RAB30: variants seen among roughly 807,000 people sequenced by gnomAD.
RAB30 encodes ras-related protein Rab-30.
A neutral mutation model predicts 25.1 loss-of-function variants in RAB30; 9 were observed. The ratio of observed to expected loss-of-function variants is 0.36; its 90% CI spans 0.22 to 0.63. The LOEUF is 0.63. RAB30 is among the 20% of genes least tolerant of loss of function. The probability of loss-of-function intolerance (pLI) is 0.69; values close to 1 mark genes in which losing one functional copy is unlikely to be tolerated. For missense variants in RAB30, 140 were observed against 243.5 expected, an observed-to-expected ratio of 0.58 and a Z score of 2.83; for synonymous variants, 77 against 86.4, an observed-to-expected ratio of 0.89 and a Z score of 0.60.
chr11:83,063,742 G>A (rs1858633878), intron 1 of RAB30, among the ~76,000 whole-genome samples: 1 of 152,160 alleles, frequency 6.6e-6, no homozygotes, highest in Admixed American at 6.5e-5. Context: ...ATTTAAATCA[G>A]GGGGCAATGC....
chr11:83,032,588 C>G (rs1484638734), intron 1 of RAB30, among the ~76,000 whole-genome samples: 1 of 152,202 alleles, frequency 6.6e-6, no homozygotes, highest in Non-Finnish European at 1.5e-5. Flanking sequence ...CCTCAGCCAC[C>G]TGAGTAGCTG....
At chr11:83,053,500 C>A (rs1029217653) in intron 1 of RAB30, among the ~76,000 whole-genome samples, 1 of 152,094 alleles carries the variant, frequency 6.6e-6, no homozygotes, top group Non-Finnish European at 1.5e-5. Flanking sequence ...TACCCAGTGT[C>A]TTGGCAATTT....
intron 1 of RAB30, among the ~76,000 whole-genome samples, chr11:83,047,959 G>C (rs1388453419): frequency 6.6e-6 from 1 of 152,140 alleles, no homozygotes; most frequent in Non-Finnish European, 1.5e-5. Flanking sequence ...CTCTAAAGAA[G>C]CAACTTGGGG....
intron 1 of RAB30, among the ~76,000 whole-genome samples, chr11:83,065,830 A>G (rs918480802): frequency 1.3e-5 from 2 of 152,208 alleles, no homozygotes; most frequent in African/African-American, 4.8e-5. Flanking sequence ...CAACAACCTT[A>G]CAAAGAAACA....
chr11:83,045,430 T>C (rs1205341194), intron 1 of RAB30, among the ~76,000 whole-genome samples: 1 of 152,106 alleles, frequency 6.6e-6, no homozygotes. Flanking sequence ...CACACCCAGC[T>C]CTGTAAACAT....
At chr11:83,060,586 A>G (rs1266792239) in intron 1 of RAB30, among the ~76,000 whole-genome samples, 1 of 152,238 alleles carries the variant, frequency 6.6e-6, no homozygotes, top group African/African-American at 2.4e-5. Flanking sequence ...TCTCACCACA[A>G]GTGTTTAACT....
chr11:83,007,974 AACAAT>A (rs1223008854), intron 1 of RAB30, among the ~76,000 whole-genome samples: 1 of 152,202 alleles, frequency 6.6e-6, no homozygotes, highest in Non-Finnish European at 1.5e-5. Context: ...TCCAACAATA[AACAAT>A]ACCACTGCAA....
At chr11:83,029,233 G>A (rs1455338199) in intron 1 of RAB30, among the ~76,000 whole-genome samples, 1 of 151,998 alleles carries the variant, frequency 6.6e-6, no homozygotes, top group Non-Finnish European at 1.5e-5. Flanking sequence ...ACCCTCTTTT[G>A]TGTTGTGTTC....
chr11:83,000,522 G>C (rs1420985819), intron 1 of RAB30, among the ~76,000 whole-genome samples: 1 of 152,290 alleles, frequency 6.6e-6, no homozygotes, highest in African/African-American at 2.4e-5. Flanking sequence ...AGGCTCTGTG[G>C]ACCACAACTC....
intron 4 of RAB30, among the ~76,000 whole-genome samples, chr11:82,985,607 A>C (rs1256561412): frequency 2.0e-5 from 3 of 152,180 alleles, no homozygotes; most frequent in African/African-American, 4.8e-5. Context: ...AGGTCAAACA[A>C]ATGCATTAGC....
At chr11:83,071,415 C>T (rs532859583) in intron 1 of RAB30, 4 of 152,384 alleles carry the variant, frequency 2.6e-5, no homozygotes, top group East Asian at 1.9e-4. Flanking sequence ...CCCCAACATC[C>T]TTCCCAGCCC....
chr11:82,976,717 TAAAAA>T lies in RAB30; in HGVS notation c.*5443_*5447del, dbSNP rs894069006. The T allele has an allele frequency of 2.0e-5, 3 of 151,864 alleles. No individual in the cohort carries two copies. Among genetic ancestry groups the T allele is most frequent in the Admixed American group, 6.6e-5 (1 of 15,232 alleles). 9.4% of individuals were successfully genotyped at this position (151,864 alleles called of 1,614,324 possible). ...CCATACAGATTTAAGACCAATGACT[TAAAAA>T]AACAAAACAAAACCATAAAAAAAGA... is the stretch of plus-strand genomic sequence containing the variant. On this transcript the variant is annotated 3_prime_UTR_variant, in exon 5 of 5. Transcript: ENST00000527633.
chr11:82,983,154 TTTTA>T (rs1590831718), intron 4 of RAB30, among the ~76,000 whole-genome samples: 2 of 151,882 alleles, frequency 1.3e-5, no homozygotes, highest in East Asian at 3.9e-4. Flanking sequence ...TATACACACA[TTTTA>T]TTTATTTTTT....
At position 82,982,419 on chromosome 11, in the gene RAB30, T is replaced by A. The variant is rs938507521; in HGVS notation, c.362-4A>T. The A allele has an allele frequency of 1.2e-6, 2 of 1,610,546 alleles. No homozygotes were observed. Among genetic ancestry groups the A allele is most frequent in the Non-Finnish European group, 1.7e-6 (2 of 1,178,668 alleles). ...TCAGCCAGGTCAATCTTGTTGCCTA[T>A]AACAGTAGTAAAATCAAATAAAGAA... On this transcript the variant is annotated splice_polypyrimidine_tract_variant and splice_region_variant and intron_variant, in intron 4 of 4. Transcript: ENST00000527633.
At chr11:83,070,535 G>A (rs1355634443) in intron 1 of RAB30, among the ~76,000 whole-genome samples, 4 of 152,088 alleles carry the variant, frequency 2.6e-5, no homozygotes, top group African/African-American at 7.2e-5. Context: ...AAGAGGGGGT[G>A]TGGTTGACCC....
rs1198206509 is a variant in RAB30, at chr11:82,976,502, C to CA, written c.*5662dup. On this transcript the variant is annotated 3_prime_UTR_variant, in exon 5 of 5. Transcript: ENST00000527633. ...ACATCACTCTCCAAAGTGTCAAAGTCAGCAACCACCACCGATTCCGTCAGG... is the reference window on the plus strand; with the variant it reads ...ACATCACTCTCCAAAGTGTCAAAGTCAAGCAACCACCACCGATTCCGTCAGG... The CA allele has an allele frequency of 6.6e-6, 1 of 152,138 alleles. No individual in the cohort carries two copies. Among genetic ancestry groups the CA allele is most frequent in the Non-Finnish European group, 1.5e-5 (1 of 68,032 alleles). 9.4% of individuals were successfully genotyped at this position (152,138 alleles called of 1,614,324 possible).
chr11:83,057,312 T>A, intron 1 of RAB30, among the ~76,000 whole-genome samples: 1 of 152,090 alleles, frequency 6.6e-6, no homozygotes, highest in East Asian at 1.9e-4. Flanking sequence ...GACAGAAGTA[T>A]ATATTTTAAT....
chr11:83,039,757 G>A lies in RAB30; in HGVS notation c.-9+31934C>T, dbSNP rs7946273. Among the ~76,000 whole-genome samples, 887 of 152,078 alleles carry A rather than the reference G, an allele frequency of 5.8e-3. 12 individuals are homozygous for A. The highest frequency in any genetic ancestry group is 0.02 in the African/African-American group (833 of 41,482). On this transcript the variant is annotated intron_variant, in intron 1 of 4. Coordinates refer to ENST00000527633, the MANE Select transcript of RAB30 (RefSeq NM_001286060.2). Reference sequence around the variant, plus strand: ...AACAATGGAAGCTGAGAAAGGAGGCGGTCTCAAAGAAAAGATGAGTAAGAC... The same window carrying A: ...AACAATGGAAGCTGAGAAAGGAGGCAGTCTCAAAGAAAAGATGAGTAAGAC...
intron 1 of RAB30, among the ~76,000 whole-genome samples, chr11:83,059,785 A>G (rs1333562520): frequency 1.3e-5 from 2 of 152,232 alleles, no homozygotes; most frequent in Non-Finnish European, 2.9e-5. Context: ...CAATAGCTAC[A>G]TTTGGGACAA....
Sources: gnomAD v4.1 joint callset for allele counts (sites outside exome capture counted in the v4.1 genomes callset) on GRCh38, gnomAD v4.1.1 for gene constraint, MANE v1.5 for transcripts, NCBI Gene and HGNC (gene_info 2026-07-23, HGNC 2026-07-21) for gene names.